Variants in IL1RAPL1 observed in about 807,000 individuals in gnomAD.
IL1RAPL1 encodes interleukin-1 receptor accessory protein-like 1.
Under a neutral mutation model 48.4 loss-of-function variants are expected in IL1RAPL1, and 3 were observed. The ratio of observed to expected loss-of-function variants is 0.06; its 90% confidence interval spans 0.03 to 0.16. The LOEUF (loss-of-function observed/expected upper bound fraction) is 0.16. IL1RAPL1 is among the 10% of genes least tolerant of loss of function. The pLI is 1.00. For missense variants in IL1RAPL1, 349 were observed against 530.6 expected, an observed-to-expected ratio of 0.66 and a Z score of 3.36; for synonymous variants, 185 against 187.7, an observed-to-expected ratio of 0.99 and a Z score of 0.12.
At chrX:29,057,727 C>T (rs1158570581) in intron 2 of IL1RAPL1, among the ~76,000 whole-genome samples, 1 of 111,781 alleles carries the variant, frequency 8.9e-6, no homozygotes, top group Non-Finnish European at 1.9e-5. Flanking sequence ...CCGTGCGCGG[C>T]CTGTTTAGCC....
intron 2 of IL1RAPL1, among the ~76,000 whole-genome samples, chrX:29,262,641 C>T (rs1931880150): frequency 9.7e-6 from 1 of 103,405 alleles, no homozygotes; most frequent in African/African-American, 3.6e-5. Flanking sequence ...CCAGCCTTGG[C>T]AACAAGAGCG....
intron 6 of IL1RAPL1, among the ~76,000 whole-genome samples, chrX:29,841,694 G>A (rs1931139718): frequency 9.0e-6 from 1 of 111,465 alleles, no homozygotes; most frequent in African/African-American, 3.3e-5. Flanking sequence ...CAAGCAGTAT[G>A]AATTGGGTTA....
chrX:29,764,211 A>G (rs772839952), intron 6 of IL1RAPL1, among the ~76,000 whole-genome samples: 1 of 111,596 alleles, frequency 9.0e-6, no homozygotes, highest in South Asian at 3.8e-4. Flanking sequence ...ACTTGTGCCC[A>G]CCTATGATAC....
At chrX:29,716,959 A>G (rs985616892) in intron 6 of IL1RAPL1, among the ~76,000 whole-genome samples, 5 of 111,351 alleles carry the variant, frequency 4.5e-5, no homozygotes, top group African/African-American at 9.8e-5. Context: ...ATATCTATCA[A>G]TATTCAATAT....
Position 28,621,805 on chromosome X carries a change from C to T in IL1RAPL1, c.-25+33758C>T, listed in dbSNP as rs192044886. Among the ~76,000 whole-genome samples the T allele has an allele frequency of 1.5e-4, 17 of 111,941 alleles. No homozygotes were observed. The East Asian group carries it at 4.8e-3, about 31-fold the overall frequency. ...TATTTATTTTTAATAGCACACAACA[C>T]ATTTCTTGAACTTACCATATTTCAG... is the stretch of plus-strand genomic sequence containing the variant. On this transcript the variant is annotated intron_variant, in intron 1 of 10. Coordinates refer to ENST00000378993, the MANE Select transcript of IL1RAPL1 (RefSeq NM_014271.4).
At chrX:28,726,928 C>T (rs1329373650) in intron 1 of IL1RAPL1, among the ~76,000 whole-genome samples, 1 of 112,093 alleles carries the variant, frequency 8.9e-6, no homozygotes. Flanking sequence ...TCTGGCTCAA[C>T]TCCTTTGTGA....
At chrX:28,762,823 CAGAGAGAGAGAGAGAG>C (rs146402299) in intron 1 of IL1RAPL1, among the ~76,000 whole-genome samples, 8 of 36,778 alleles carry the variant, frequency 2.2e-4, no homozygotes, top group African/African-American at 5.3e-4. Context: ...CACACACACA[CAGAGAGAGAGAGAGAG>C]AGAGAGAGAG....
chrX:29,651,609 G>T (rs1178804466), intron 5 of IL1RAPL1, among the ~76,000 whole-genome samples: 1 of 111,250 alleles, frequency 9.0e-6, no homozygotes. Context: ...GGATACCAGA[G>T]GCTGGGGTGG....
chrX:29,255,867 G>A (rs751893586), intron 2 of IL1RAPL1, among the ~76,000 whole-genome samples: 11 of 111,590 alleles, frequency 9.9e-5, no homozygotes, highest in Non-Finnish European at 2.1e-4. Context: ...CTGTTGATGG[G>A]CACCTGGGTT....
At chrX:29,500,834 G>C (rs1935265129) in intron 5 of IL1RAPL1, among the ~76,000 whole-genome samples, 1 of 110,474 alleles carries the variant, frequency 9.1e-6, no homozygotes, top group African/African-American at 3.3e-5. Context: ...TATATACCCA[G>C]TAGTGGGATT....
At chrX:28,723,823 C>T (rs1291642136) in intron 1 of IL1RAPL1, among the ~76,000 whole-genome samples, 1 of 111,908 alleles carries the variant, frequency 8.9e-6, no homozygotes, top group Non-Finnish European at 1.9e-5. Flanking sequence ...CAAAGAACAT[C>T]TTTATTTCTG....
chrX:28,876,910 G>A (rs1922389891), intron 2 of IL1RAPL1, among the ~76,000 whole-genome samples: 1 of 111,944 alleles, frequency 8.9e-6, no homozygotes, highest in Non-Finnish European at 1.9e-5. Context: ...GGAATGAGGA[G>A]TACAGACCAG....
intron 2 of IL1RAPL1, among the ~76,000 whole-genome samples, chrX:29,037,539 C>T (rs751012633): frequency 8.9e-6 from 1 of 111,803 alleles, no homozygotes; most frequent in Non-Finnish European, 1.9e-5. Flanking sequence ...TCTGAATCAA[C>T]TGGTTATTCC....
At chrX:29,610,763 G>C (rs1323197681) in intron 5 of IL1RAPL1, among the ~76,000 whole-genome samples, 2 of 112,648 alleles carry the variant, frequency 1.8e-5, no homozygotes, top group African/African-American at 6.5e-5. Context: ...GGAGCACACA[G>C]ATGGGCAGGT....
chrX:28,713,800 C>T (rs890874330), intron 1 of IL1RAPL1, among the ~76,000 whole-genome samples: 1 of 111,618 alleles, frequency 9.0e-6, no homozygotes, highest in African/African-American at 3.3e-5. Flanking sequence ...TGTCTGTTTA[C>T]AGACTAAATA....
intron 6 of IL1RAPL1, among the ~76,000 whole-genome samples, chrX:29,884,605 C>G (rs767359437): frequency 2.6e-4 from 29 of 111,440 alleles, no homozygotes; most frequent in South Asian, 1.1e-3. Flanking sequence ...ATGCCAGTGC[C>G]TCCTTAATGT....
intron 2 of IL1RAPL1, among the ~76,000 whole-genome samples, chrX:28,998,780 G>A (rs571659566): frequency 1.8e-5 from 2 of 112,178 alleles, no homozygotes; most frequent in South Asian, 7.3e-4. Flanking sequence ...TCTGTTGTGT[G>A]TGAAACATGC....
chrX:28,943,195 T>C (rs1253904464), intron 2 of IL1RAPL1, among the ~76,000 whole-genome samples: 1 of 90,637 alleles, frequency 1.1e-5, no homozygotes, highest in Non-Finnish European at 2.2e-5. Flanking sequence ...AGAGCAGCTT[T>C]AAAAAAAAAA....
At chrX:28,629,922 T>G (rs1055445871) in intron 1 of IL1RAPL1, among the ~76,000 whole-genome samples, 4 of 111,802 alleles carry the variant, frequency 3.6e-5, no homozygotes, top group Non-Finnish European at 7.5e-5. Context: ...TGAAACAGCA[T>G]CATGAATTAT....
Sources: gnomAD v4.1 joint callset for allele counts (sites outside exome capture counted in the v4.1 genomes callset) on GRCh38, gnomAD v4.1.1 for gene constraint, MANE v1.5 for transcripts, NCBI Gene and HGNC (gene_info 2026-07-23, HGNC 2026-07-21) for gene names.